The following SETD7 variants were observed in gnomAD, a reference collection of about 807,000 sequenced individuals.
SETD7 encodes histone-lysine N-methyltransferase SETD7.
SETD7 carries 16 observed loss-of-function variants against 41.8 expected under a neutral mutation model. That is an observed-to-expected ratio of 0.38 (90% CI 0.26 to 0.58). The LOEUF (loss-of-function observed/expected upper bound fraction) is 0.58, where lower values mean the gene tolerates loss of function less well. Ranked by LOEUF, SETD7 falls within the 20% of genes least tolerant of loss-of-function variation. The pLI is 0.64. For missense variants in SETD7, 346 were observed against 459.7 expected (o/e 0.75, Z 2.26); for synonymous variants, 163 against 169.7 (o/e 0.96, Z 0.31).
rs706308 is a variant in SETD7 at position 139,555,060 on chromosome 4, G to T, written c.40+1038C>A. ...GAAAAACATCACGACGTACTGTATG[G>T]AGTGGAACCAAATAAATACGCTAAA... On this transcript the variant is annotated intron_variant, in intron 1 of 7. Coordinates refer to ENST00000274031, the MANE Select transcript of SETD7 (RefSeq NM_030648.4). The surrounding 1 kb of genome is among the most constrained non-coding windows in gnomAD (Gnocchi z 4.0). Among the ~76,000 whole-genome samples the T allele has an allele frequency of 0.27, 40,489 of 151,848 alleles. 6,060 individuals are homozygous for T. Among genetic ancestry groups the T allele is most frequent in the African/African-American group, 0.41 (16,995 of 41,362 alleles).
chr4:139,539,544 G>A (rs780505592), intron 2 of SETD7, among the ~76,000 whole-genome samples: 1 of 152,174 alleles, frequency 6.6e-6, no homozygotes. Context: ...TTTAAGAAAA[G>A]ATCTATGAGT....
rs6855541 is a variant in SETD7, at chr4:139,512,595, G to A, written c.921-752C>T. Among the ~76,000 whole-genome samples, 1,190 of 152,178 alleles carry A rather than the reference G, an allele frequency of 7.8e-3. 26 individuals are homozygous for A. The highest frequency in any genetic ancestry group is 0.027 in the African/African-American group (1,140 of 41,524). ...ATCCTGTTCATCTGCACAGCTCCCT[G>A]CAGAACAGGCAGATAAATAAGCAAT... On this transcript the variant is annotated intron_variant, in intron 7 of 7. Transcript: ENST00000274031.
intron 1 of SETD7, among the ~76,000 whole-genome samples, chr4:139,550,379 C>T (rs1038915344): frequency 5.3e-5 from 8 of 152,144 alleles, no homozygotes; most frequent in Admixed American, 2.0e-4. Flanking sequence ...GAAATCTATT[C>T]GACGACAGCA....
intron 7 of SETD7, 94 bp from the exon 8 acceptor site, chr4:139,511,937 C>G (rs1726889330): frequency 6.7e-7 from 1 of 1,502,406 alleles, no homozygotes; most frequent in East Asian, 2.3e-5. Context: ...CACCCCCAGG[C>G]ACTCTTCCCT....
chr4:139,506,420 T>A lies in SETD7; in HGVS notation c.*5243A>T, dbSNP rs1726704347. 6.6e-6 allele frequency: 1 copy of A among 152,586 alleles called. No homozygotes were observed. The highest frequency in any genetic ancestry group is 1.5e-5 in the Non-Finnish European group (1 of 68,036). 9.5% of individuals were successfully genotyped at this position (152,586 alleles called of 1,614,324 possible). On this transcript the variant is annotated 3_prime_UTR_variant, in exon 8 of 8. Coordinates refer to ENST00000274031, the MANE Select transcript of SETD7 (RefSeq NM_030648.4). ...TACTTCTTCAACATACCTCACAACC[T>A]AATAAATGTATTTCAGGATAAAGAG...
intron 7 of SETD7, among the ~76,000 whole-genome samples, chr4:139,498,205 G>A (rs1056731351): frequency 1.3e-5 from 2 of 152,138 alleles, no homozygotes; most frequent in Admixed American, 6.5e-5. Flanking sequence ...TGTGGGCTCT[G>A]GAGGGACTGC....
rs565286147 is a variant in SETD7 at position 139,511,696 on chromosome 4, C to T, written c.1068G>A (p.Glu356=). 2.0e-5 allele frequency: 33 copies of T among 1,613,720 alleles called. No homozygotes were observed. The South Asian group carries it at 3.2e-4, about 16-fold the overall frequency. ...GCTGGGTGGCCTGGAAGGCCTTCAGCTCCACCTGGTACCACTCAGGGGCTT... is the reference window on the plus strand; with the variant it reads ...GCTGGGTGGCCTGGAAGGCCTTCAGTTCCACCTGGTACCACTCAGGGGCTT... ...GPEAPEWYQV[E]LKAFQATQQK The change falls in exon 8 of 8, where the codon GAG becomes GAA. Residue 356 remains glutamate (E), a synonymous_variant. Transcript: ENST00000274031.
At chr4:139,531,856 C>T (rs1038013410) in intron 3 of SETD7, among the ~76,000 whole-genome samples, 7 of 151,924 alleles carry the variant, frequency 4.6e-5, no homozygotes, top group South Asian at 2.1e-4. Context: ...TTTGGGAGGC[C>T]GAGGCAAGGA....
chr4:139,556,208 T>G lies in SETD7; in HGVS notation c.-71A>C. The G allele has an allele frequency of 6.6e-7, 1 of 1,514,358 alleles. No homozygotes were observed. Among genetic ancestry groups the G allele is most frequent in the Non-Finnish European group, 8.9e-7 (1 of 1,120,478 alleles). The allele number at this position is 1,514,358 out of a possible 1,614,324, so 93.8% of individuals were successfully genotyped here. A position where few individuals can be genotyped will look rare whatever the true frequency, so the allele number is the denominator to read the frequency against. On this transcript the variant is annotated 5_prime_UTR_variant, in exon 1 of 8. Coordinates refer to ENST00000274031, the MANE Select transcript of SETD7 (RefSeq NM_030648.4). ...CGTCCCTCTGGGTGCTCCCGGCGGC[T>G]GAGCGAGCTCTGGGGCTCGCGAGTT...
Position 139,555,323 on chromosome 4 carries a change from G to T in SETD7, c.40+775C>A, listed in dbSNP as rs1483614853. Among the ~76,000 whole-genome samples, 1 of 151,852 alleles carries T rather than the reference G, an allele frequency of 6.6e-6. No homozygotes were observed. The highest frequency in any genetic ancestry group is 1.5e-5 in the Non-Finnish European group (1 of 67,982). On this transcript the variant is annotated intron_variant, in intron 1 of 7. Transcript: ENST00000274031. The surrounding 1 kb of genome is among the most constrained non-coding windows in gnomAD (Gnocchi z 4.0). ...CCCACAGCCAACGGCATGGAATTCA[G>T]AAAGTTAAGTGTCACCCAGCAATCT...
At position 139,511,161 on chromosome 4, in the gene SETD7, C is replaced by T. The variant is rs2111120751; in HGVS notation, c.*502G>A. On this transcript the variant is annotated 3_prime_UTR_variant, in exon 8 of 8. Coordinates refer to ENST00000274031, the MANE Select transcript of SETD7 (RefSeq NM_030648.4). ...TACTAAGAAAAAAACCAAAGCCATT[C>T]TATTGCAAGATACAGATCAAAGGTT... The T allele has an allele frequency of 6.4e-6, 1 of 155,662 alleles. No homozygotes were observed. Among genetic ancestry groups the T allele is most frequent in the Middle Eastern group, 3.2e-3 (1 of 312 alleles). The allele number at this position is 155,662 out of a possible 1,614,324, so 9.6% of individuals were successfully genotyped here.
chr4:139,556,106 G>A lies in SETD7; in HGVS notation c.32C>T (p.Ala11Val), dbSNP rs752512423. MDSDDEMVEE[A>V]VEGHLDDDGL... ...CGGAGAAATGCTTGTACCTTCCACCGCCTCCTCCACCATCTCGTCGTCGCT... is the reference window on the plus strand; with the variant it reads ...CGGAGAAATGCTTGTACCTTCCACCACCTCCTCCACCATCTCGTCGTCGCT... The change falls in exon 1 of 8, where the codon GCG (alanine) becomes GTG (valine). Residue 11 changes from alanine (A) to valine (V), a missense_variant. Ala to Val is a moderately conservative substitution (Grantham distance 64). Around this residue, in one of 3 missense-constraint regions of SETD7, gnomAD observed 266 missense variants for 377.0 expected, o/e 0.71. Transcript: ENST00000274031. The A allele has an allele frequency of 6.2e-7, 1 of 1,602,424 alleles. No homozygotes were observed. Among genetic ancestry groups the A allele is most frequent in the South Asian group, 1.1e-5 (1 of 88,724 alleles).
At chr4:139,515,860 C>G (rs1316990992) in intron 7 of SETD7, among the ~76,000 whole-genome samples, 13 of 152,228 alleles carry the variant, frequency 8.5e-5, no homozygotes. Context: ...GCAAGATGAC[C>G]GAGGGACTGC....
chr4:139,517,911 G>A lies in SETD7; in HGVS notation c.894C>T (p.Ser298=). 1.2e-6 allele frequency: 2 copies of A among 1,613,748 alleles called. No homozygotes were observed. The highest frequency in any genetic ancestry group is 1.7e-6 in the Non-Finnish European group (2 of 1,179,790). ...TATCGTAGATGCAGTTTGGAGTGAA[G>A]GAGTGATTTGCCTTGTGTCCCAAGG... is the stretch of plus-strand genomic sequence containing the variant. ...CASLGHKANH[S]FTPNCIYDMF... is the part of the protein sequence containing the mutation. The change falls in exon 7 of 8, where the codon TCC becomes TCT. Residue 298 remains serine (S), a synonymous_variant. Coordinates refer to ENST00000274031, the MANE Select transcript of SETD7 (RefSeq NM_030648.4).
chr4:139,515,931 T>G lies in SETD7; in HGVS notation c.920+1954A>C, dbSNP rs73856576. On this transcript the variant is annotated intron_variant, in intron 7 of 7. Transcript: ENST00000274031. The stretch of plus-strand genomic sequence containing the variant: ...CACTGGCTCCCAGGAAGAGCTGGCA[T>G]TCTCAGGCCAAGCTAAGGAGAGCAA... 5.5e-3 allele frequency among the ~76,000 whole-genome samples: 831 copies of G among 152,312 alleles called. 6 individuals carry two copies. The highest frequency in any genetic ancestry group is 0.019 in the African/African-American group (771 of 41,558).
intron 7 of SETD7, among the ~76,000 whole-genome samples, chr4:139,515,840 A>C (rs1252685960): frequency 2.0e-5 from 3 of 152,236 alleles, no homozygotes; most frequent in Admixed American, 2.0e-4. Flanking sequence ...GATTTTGCTT[A>C]TGCTAACAAG....
intron 4 of SETD7, among the ~76,000 whole-genome samples, chr4:139,527,388 T>C (rs1727361712): frequency 1.3e-5 from 2 of 152,142 alleles, no homozygotes; most frequent in African/African-American, 4.8e-5. Context: ...ACCCTGTTTC[T>C]ACAAAAAAAT....
chr4:139,516,177 C>A (rs1448267540), intron 7 of SETD7, among the ~76,000 whole-genome samples: 1 of 152,062 alleles, frequency 6.6e-6, no homozygotes, highest in Admixed American at 6.6e-5. Context: ...TTATAAAGAA[C>A]TTTCTAGGCC....
chr4:139,497,753 C>T (rs1036855748), intron 7 of SETD7, among the ~76,000 whole-genome samples: 9 of 151,830 alleles, frequency 5.9e-5, no homozygotes, highest in Non-Finnish European at 8.8e-5. Flanking sequence ...CCACTACGCC[C>T]GGCTAATTTT....
Sources: allele counts gnomAD v4.1 joint callset (sites outside exome capture counted in the v4.1 genomes callset), GRCh38; gene constraint gnomAD v4.1.1; regional missense constraint gnomAD v4.1.1; non-coding constraint Gnocchi (gnomAD v3.1); transcripts MANE v1.5; gene names NCBI Gene and HGNC (gene_info 2026-07-23, HGNC 2026-07-21).